CEP57: variants seen among roughly 807,000 people sequenced by gnomAD.
The protein encoded by CEP57 is centrosomal protein 57.
CEP57 carries 40 observed loss-of-function variants against 68.0 expected under a neutral mutation model. The ratio of observed to expected loss-of-function variants is 0.59; its 90% CI spans 0.46 to 0.77. The LOEUF (loss-of-function observed/expected upper bound fraction) is 0.77. Ranked by LOEUF, CEP57 falls within the 30% of genes least tolerant of loss-of-function variation. The pLI, the probability that CEP57 is intolerant of heterozygous loss-of-function variation, is 0.00. For synonymous variants in CEP57, 219 were observed against 198.7 expected (o/e 1.10, Z -0.86); for missense variants, 606 against 580.7 (o/e 1.04, Z -0.45).
intron 2 of CEP57, among the ~76,000 whole-genome samples, chr11:95,802,254 G>T (rs934338101): frequency 3.3e-5 from 5 of 149,886 alleles, no homozygotes; most frequent in Non-Finnish European, 5.9e-5. Flanking sequence ...AACGTGACAT[G>T]ATTTTTTTTT....
At chr11:95,819,999 G>A (rs1024065181) in intron 6 of CEP57, among the ~76,000 whole-genome samples, 20 of 151,926 alleles carry the variant, frequency 1.3e-4, no homozygotes, top group African/African-American at 4.8e-4. Context: ...TTCTCTTTAG[G>A]GTTGGCCACT....
chr11:95,819,714 T>C (rs992596763), intron 6 of CEP57, among the ~76,000 whole-genome samples: 1 of 152,246 alleles, frequency 6.6e-6, no homozygotes, highest in Non-Finnish European at 1.5e-5. Context: ...GTAGAGCCTC[T>C]GCAGTTCAAT....
intron 2 of CEP57, among the ~76,000 whole-genome samples, chr11:95,799,647 G>A (rs1861491047): frequency 6.6e-6 from 1 of 152,130 alleles, no homozygotes; most frequent in African/African-American, 2.4e-5. Context: ...CCGGAATGAA[G>A]ACCTTTTTTT....
intron 1 of CEP57, among the ~76,000 whole-genome samples, chr11:95,791,672 G>T (rs561277719): frequency 6.6e-6 from 1 of 152,314 alleles, no homozygotes; most frequent in South Asian, 2.1e-4. Flanking sequence ...CTAGAGGGGA[G>T]TGATTAACAG....
chr11:95,809,564 A>G (rs541297985), intron 2 of CEP57, among the ~76,000 whole-genome samples: 16 of 152,256 alleles, frequency 1.1e-4, no homozygotes, highest in Non-Finnish European at 1.9e-4. Context: ...AGCGAATACT[A>G]TAAACATCTC....
intron 2 of CEP57, among the ~76,000 whole-genome samples, chr11:95,811,242 A>G (rs1261287152): frequency 6.6e-6 from 1 of 152,140 alleles, no homozygotes; most frequent in Non-Finnish European, 1.5e-5. Context: ...ATGGAATACT[A>G]TGCAGCTGTA....
intron 2 of CEP57, among the ~76,000 whole-genome samples, chr11:95,801,450 C>CAAAAAA (rs200265603): frequency 1.5e-4 from 10 of 66,692 alleles, no homozygotes; most frequent in African/African-American, 3.3e-4. Context: ...TTTTAAAAAG[C>CAAAAAA]AAAAAAAAAA....
intron 9 of CEP57, among the ~76,000 whole-genome samples, chr11:95,828,517 CG>C (rs773265282): frequency 6.4e-4 from 97 of 152,248 alleles, no homozygotes; most frequent in Non-Finnish European, 1.3e-3. Flanking sequence ...TAAAGTCTTA[CG>C]GGACCACTGT....
chr11:95,803,118 T>C (rs1861650904), intron 2 of CEP57, among the ~76,000 whole-genome samples: 1 of 152,160 alleles, frequency 6.6e-6, no homozygotes, highest in Non-Finnish European at 1.5e-5. Flanking sequence ...TAAGGAAAGA[T>C]TTATGCATAT....
At chr11:95,814,046 A>G (rs1167337000) in intron 4 of CEP57, among the ~76,000 whole-genome samples, 1 of 146,986 alleles carries the variant, frequency 6.8e-6, no homozygotes, top group African/African-American at 2.4e-5. Flanking sequence ...AGTCTCAAAT[A>G]TATTGATTGA....
At chr11:95,814,069 ATCTC>A (rs369609536) in intron 4 of CEP57, among the ~76,000 whole-genome samples, 42,316 of 152,010 alleles carry the variant, frequency 0.28, 7,061 homozygotes, top group Non-Finnish European at 0.38. Flanking sequence ...AATTGATTGG[ATCTC>A]ACTCTGTCTC....
At chr11:95,791,805 A>T (rs1861092567) in intron 1 of CEP57, among the ~76,000 whole-genome samples, 1 of 152,160 alleles carries the variant, frequency 6.6e-6, no homozygotes, top group Admixed American at 6.6e-5. Context: ...GGAATTTTGG[A>T]GTATGTGCTA....
In CEP57 at chr11:95,790,691, G is replaced by A; in HGVS notation, c.-8G>A. 6.2e-7 allele frequency: 1 copy of A among 1,613,876 alleles called. No homozygotes were observed. Among genetic ancestry groups the A allele is most frequent in the Non-Finnish European group, 8.5e-7 (1 of 1,179,922 alleles). On this transcript the variant is annotated 5_prime_UTR_variant, in exon 1 of 11. Coordinates refer to ENST00000325542, the MANE Select transcript of CEP57 (RefSeq NM_014679.5). ...CGAAGTGCGGAGACCCCCTGGGCAGGCTGAAAGATGGCGGCGGCGTCTGTC... is the reference window on the plus strand; with the variant it reads ...CGAAGTGCGGAGACCCCCTGGGCAGACTGAAAGATGGCGGCGGCGTCTGTC...
chr11:95,795,266 C>T (rs1481261240), intron 1 of CEP57, among the ~76,000 whole-genome samples: 1 of 152,064 alleles, frequency 6.6e-6, no homozygotes, highest in East Asian at 1.9e-4. Context: ...TTTTTCAGTA[C>T]TTGTATAATT....
At chr11:95,801,831 G>C (rs933656862) in intron 2 of CEP57, among the ~76,000 whole-genome samples, 1 of 152,010 alleles carries the variant, frequency 6.6e-6, no homozygotes, top group Non-Finnish European at 1.5e-5. Context: ...AAGCAGGGAG[G>C]AGACGGAGAG....
chr11:95,815,638 T>G (rs532317), intron 4 of CEP57, among the ~76,000 whole-genome samples: 1 of 152,164 alleles, frequency 6.6e-6, no homozygotes, highest in Non-Finnish European at 1.5e-5. Context: ...AATTTGCCTT[T>G]GGTTAGGCTT....
intron 2 of CEP57, among the ~76,000 whole-genome samples, chr11:95,808,866 T>C (rs146112375): frequency 0.065 from 9,917 of 152,246 alleles, 410 homozygotes; most frequent in Middle Eastern, 0.13. Context: ...AATAGACATC[T>C]ACAGAACTCT....
At chr11:95,826,600 GAA>G (rs11356114) in intron 8 of CEP57, 1 of 151,378 alleles carries the variant, frequency 6.6e-6, no homozygotes, top group Admixed American at 6.6e-5. Flanking sequence ...AAAGTTGAAG[GAA>G]AAAAAAATTT....
At chr11:95,812,826 A>G (rs1190406542) in intron 2 of CEP57, 106 bp from the exon 3 acceptor site, 3 of 938,468 alleles carry the variant, frequency 3.2e-6, no homozygotes, top group East Asian at 2.4e-5. Context: ...CCTCCACTGG[A>G]CTCATCCATC....
Sources: allele counts gnomAD v4.1 joint callset (sites outside exome capture counted in the v4.1 genomes callset), GRCh38; gene constraint gnomAD v4.1.1; transcripts MANE v1.5; gene names NCBI Gene and HGNC (gene_info 2026-07-23, HGNC 2026-07-21).